The following C10orf90 variants were observed in gnomAD, a reference collection of about 807,000 sequenced individuals.
C10orf90 encodes the protein (E2-independent) E3 ubiquitin-conjugating enzyme FATS.
In C10orf90, 56 loss-of-function variants were observed where a neutral mutation model predicts 62.5. That is an observed-to-expected ratio of 0.90 (90% CI 0.72 to 1.12). The LOEUF is 1.12. C10orf90 is among the 50% of genes most tolerant of loss of function. The pLI is 0.00. For synonymous variants in C10orf90, 386 were observed against 340.4 expected, an observed-to-expected ratio of 1.13 and a Z score of -1.47; for missense variants, 970 against 880.4, an observed-to-expected ratio of 1.10 and a Z score of -1.29.
chr10:126,542,267 T>C (rs1384030758), intron 2 of C10orf90, among the ~76,000 whole-genome samples: 3 of 151,698 alleles, frequency 2.0e-5, no homozygotes, highest in African/African-American at 7.3e-5. Flanking sequence ...CTTTGGGAGG[T>C]AGAGGCAGGT....
rs550497725 is a variant in C10orf90, at chr10:126,488,427, C to T, written c.1534+15530G>A. ...AAAATGTTTGATATAAGCATTTGAT[C>T]TAAGCTTTTTAAGAATCTACAAAAA... is the stretch of plus-strand genomic sequence containing the variant. On this transcript the variant is annotated intron_variant, in intron 4 of 9. Transcript: ENST00000488181. Among the ~76,000 whole-genome samples the T allele has an allele frequency of 2.6e-5, 4 of 151,982 alleles. No individual in the cohort carries two copies. The South Asian group carries it at 8.3e-4, about 32-fold the overall frequency.
chr10:126,499,734 C>T (rs1276003161), intron 4 of C10orf90, among the ~76,000 whole-genome samples: 1 of 152,140 alleles, frequency 6.6e-6, no homozygotes, highest in Admixed American at 6.5e-5. Context: ...CAGACCAATG[C>T]CACCAAAGCC....
chr10:126,517,104 G>C lies in C10orf90; in HGVS notation c.314-3165C>G, dbSNP rs141086380. On this transcript the variant is annotated intron_variant, in intron 2 of 9. Transcript: ENST00000488181. ...AGGGATTAAGACATGAACATCTTTG[G>C]GGGTGGAGGGGACATTATTCTGCCC... 2.5e-3 allele frequency among the ~76,000 whole-genome samples: 377 copies of C among 152,220 alleles called. 2 individuals are homozygous for C. Among genetic ancestry groups the C allele is most frequent in the African/African-American group, 8.8e-3 (364 of 41,518 alleles).
intron 3 of C10orf90, 137 bp downstream of exon 3, chr10:126,513,711 G>T: frequency 1.7e-6 from 1 of 599,360 alleles, no homozygotes; most frequent in Non-Finnish European, 2.9e-6. Context: ...TCTATAGCAC[G>T]GTTAGATTGT....
rs181065521 is a variant in C10orf90 at position 126,496,690 on chromosome 10, C to T, written c.1534+7267G>A. On this transcript the variant is annotated intron_variant, in intron 4 of 9. Coordinates refer to ENST00000488181, the MANE Select transcript of C10orf90 (RefSeq NM_001350921.2). ...CGGTGAGTCTTTCATCGCTCCTCAC[C>T]CTTTCCTTGCCAGAGAGGTTTTGAA... The T allele has an allele frequency of 2.2e-5, 22 of 985,388 alleles. No homozygotes were observed. In the Admixed American group the frequency reaches 1.4e-3, roughly 61 times the overall value. 61.0% of individuals were successfully genotyped at this position (985,388 alleles called of 1,614,324 possible).
At chr10:126,499,850 C>T (rs1862276120) in intron 4 of C10orf90, among the ~76,000 whole-genome samples, 1 of 152,198 alleles carries the variant, frequency 6.6e-6, no homozygotes. Flanking sequence ...CATCTACCAT[C>T]ATCAGAAGAT....
intron 2 of C10orf90, among the ~76,000 whole-genome samples, chr10:126,617,798 C>A (rs1845571073): frequency 6.6e-6 from 1 of 152,204 alleles, no homozygotes; most frequent in African/African-American, 2.4e-5. Flanking sequence ...GTAAAAAAAG[C>A]ATCTCCCATG....
At chr10:126,448,269 C>A (rs1182784989) in intron 7 of C10orf90, among the ~76,000 whole-genome samples, 1 of 151,810 alleles carries the variant, frequency 6.6e-6, no homozygotes, top group Non-Finnish European at 1.5e-5. Flanking sequence ...CAACATGCTC[C>A]TGAACAACCA....
chr10:126,571,604 A>T (rs1189735290), intron 2 of C10orf90, among the ~76,000 whole-genome samples: 2 of 152,190 alleles, frequency 1.3e-5, no homozygotes, highest in Admixed American at 6.5e-5. Flanking sequence ...CAAATGAGGC[A>T]TTCATTTCTC....
intron 2 of C10orf90, among the ~76,000 whole-genome samples, chr10:126,582,920 G>A (rs1250818732): frequency 1.3e-5 from 2 of 152,208 alleles, no homozygotes; most frequent in African/African-American, 2.4e-5. Flanking sequence ...CACTGTTCCT[G>A]CAAATTGTTC....
At chr10:126,608,331 C>T (rs754067137) in intron 2 of C10orf90, among the ~76,000 whole-genome samples, 2 of 152,064 alleles carry the variant, frequency 1.3e-5, no homozygotes, top group African/African-American at 4.8e-5. Context: ...AGGCTGGTCT[C>T]AAACTCCTGG....
intron 2 of C10orf90, among the ~76,000 whole-genome samples, chr10:126,617,926 A>G (rs943949016): frequency 6.6e-6 from 1 of 152,204 alleles, no homozygotes; most frequent in African/African-American, 2.4e-5. Flanking sequence ...ATGTTAACGT[A>G]TGCCAATTTT....
chr10:126,576,755 GATA>G (rs1844633225), intron 2 of C10orf90, among the ~76,000 whole-genome samples: 1 of 61,178 alleles, frequency 1.6e-5, no homozygotes, highest in African/African-American at 7.5e-5. Flanking sequence ...TATACATATA[GATA>G]ATATGTATAT....
Position 126,504,745 on chromosome 10 carries a change from C to T in C10orf90, c.746G>A (p.Arg249His), listed in dbSNP as rs746423822. 4.2e-5 allele frequency: 67 copies of T among 1,594,592 alleles called. No homozygotes were observed. Among genetic ancestry groups the T allele is most frequent in the East Asian group, 2.0e-4 (9 of 44,622 alleles). The change falls in exon 4 of 10, where the codon CGC becomes CAC. Residue 249 changes from arginine (R) to histidine (H), a missense_variant. By Grantham distance (29) the Arg-to-His change is conservative. Transcript: ENST00000488181. The surrounding 1 kb of genome is among the most constrained non-coding windows in gnomAD (Gnocchi z 4.1). ...CCCAGCAGTCCCCCACACCAGGGCG[C>T]GGGCTGGGGGGCCCACGCGTCTGGC... ...ITARRVGPPARALVWGTAGDS... is the reference protein window; with the variant it reads ...ITARRVGPPAHALVWGTAGDS...
At chr10:126,577,721 A>T (rs1291239381) in intron 2 of C10orf90, among the ~76,000 whole-genome samples, 3 of 152,142 alleles carry the variant, frequency 2.0e-5, no homozygotes, top group Non-Finnish European at 4.4e-5. Context: ...ACAAAGCTGG[A>T]GGACTTATGT....
intron 7 of C10orf90, among the ~76,000 whole-genome samples, chr10:126,442,633 G>GTATATATATA (rs56368633): frequency 1.1e-3 from 96 of 88,430 alleles, no homozygotes; most frequent in East Asian, 2.3e-3. Flanking sequence ...TTGTGTGTGT[G>GTATATATATA]TATATATATA....
At chr10:126,455,304 C>A (rs150332852) in intron 7 of C10orf90, among the ~76,000 whole-genome samples, 1 of 152,214 alleles carries the variant, frequency 6.6e-6, no homozygotes, top group African/African-American at 2.4e-5. Flanking sequence ...TTCTTCACTG[C>A]GTGTTCCCTT....
intron 4 of C10orf90, among the ~76,000 whole-genome samples, chr10:126,493,363 C>G (rs1256810141): frequency 6.8e-6 from 1 of 146,954 alleles, no homozygotes; most frequent in Non-Finnish European, 1.5e-5. Flanking sequence ...AACATGTTTT[C>G]CTTTTTTTTT....
In C10orf90 at chr10:126,504,298, A is replaced by C. The variant is rs551343896; in HGVS notation, c.1193T>G (p.Leu398Ter). 8 of 1,613,920 alleles carry C rather than the reference A, an allele frequency of 5.0e-6. No homozygotes were observed. In the South Asian group the frequency reaches 7.7e-5, roughly 16 times the overall value. Residue 398 changes from leucine (L) to a stop codon, truncating the protein, a stop_gained, in exon 4 of 10, where the codon TTA becomes TGA. Transcript: ENST00000488181. LOFTEE classifies it high-confidence loss of function. This position sits in a 1 kb window ranked among gnomAD's most constrained non-coding sequence, Gnocchi z 4.1. ...TAGGCCATCTACTCCATCTGCTGTTAATCTGTGGGAACTACAATTGAGGTT... is the reference window on the plus strand; with the variant it reads ...TAGGCCATCTACTCCATCTGCTGTTCATCTGTGGGAACTACAATTGAGGTT... Reference protein sequence around the residue: ...SLNLNCSSHRLTADGVDGLVN... With the variant: ...SLNLNCSSHR
Sources: allele counts gnomAD v4.1 joint callset (sites outside exome capture counted in the v4.1 genomes callset), GRCh38; gene constraint gnomAD v4.1.1; non-coding constraint Gnocchi (gnomAD v3.1); transcripts MANE v1.5; gene names NCBI Gene and HGNC (gene_info 2026-07-23, HGNC 2026-07-21).